PPDPF: variants seen among roughly 807,000 people sequenced by gnomAD.
PPDPF encodes exocrine differentiation and proliferation factor.
A neutral mutation model predicts 6.3 loss-of-function variants in PPDPF; 11 were observed. That is an observed-to-expected ratio of 1.76 (90% CI 1.11 to 2.91). The LOEUF (loss-of-function observed/expected upper bound fraction) is 2.91. Ranked by LOEUF, PPDPF falls within the 30% of genes most tolerant of loss-of-function variation. The probability of loss-of-function intolerance (pLI) is 0.00; values close to 1 mark genes in which losing one functional copy is unlikely to be tolerated. For missense variants in PPDPF, 202 were observed against 159.4 expected, an observed-to-expected ratio of 1.27 and a Z score of -1.44; for synonymous variants, 86 against 64.5, an observed-to-expected ratio of 1.33 and a Z score of -1.60.
chr20:63,521,481 C>T, intron 2 of PPDPF, 31 bp from the exon 3 acceptor site: 1 of 1,558,856 alleles, frequency 6.4e-7, no homozygotes, highest in South Asian at 1.2e-5. Flanking sequence ...GCTCCGCGCC[C>T]CGCGTTGCTG....
Position 63,521,735 on chromosome 20 carries a change from C to G in PPDPF, c.201C>G (p.Phe67Leu), listed in dbSNP as rs1311907262. The G allele has an allele frequency of 3.1e-6, 5 of 1,613,230 alleles. No homozygotes were observed. Among genetic ancestry groups the G allele is most frequent in the Non-Finnish European group, 4.2e-6 (5 of 1,180,014 alleles). Reference protein sequence around the residue: ...SFFFGKSTLPFMATVLESAEH... With the variant: ...SFFFGKSTLPLMATVLESAEH... ...TTTTCGGGAAGTCCACCCTCCCGTT[C>G]ATGGCCACGGTGTTGGAGTCCGCAG... is the stretch of plus-strand genomic sequence containing the variant. The change falls in exon 4 of 4, where the codon TTC (phenylalanine) becomes TTG (leucine). Residue 67 changes from phenylalanine to leucine, a missense_variant. Physicochemically the swap from Phe to Leu is conservative, Grantham distance 22. Coordinates refer to ENST00000370179, the MANE Select transcript of PPDPF (RefSeq NM_024299.4).
chr20:63,521,271 C>T lies in PPDPF; in HGVS notation c.-25-13C>T. 1.3e-6 allele frequency: 2 copies of T among 1,581,284 alleles called. No individual in the cohort carries two copies. Among genetic ancestry groups the T allele is most frequent in the South Asian group, 1.1e-5 (1 of 87,744 alleles). On this transcript the variant is annotated splice_polypyrimidine_tract_variant and intron_variant, in intron 1 of 3. Coordinates refer to ENST00000370179, the MANE Select transcript of PPDPF (RefSeq NM_024299.4). ...GCCGCTGACCCGAGGGGCTCCTCCA[C>T]CCCCATGCGCAGATCCCACCAGCCA...
At chr20:63,521,193 A>T (rs2082540853) in intron 1 of PPDPF, 91 bp from the exon 2 acceptor site, 2 of 1,246,834 alleles carry the variant, frequency 1.6e-6, no homozygotes, top group African/African-American at 1.6e-5. Flanking sequence ...CGCCTCGGTA[A>T]ATAACCCAGC....
In PPDPF at chr20:63,521,941, G is replaced by A. The variant is rs751136137; in HGVS notation, c.*62G>A. On this transcript the variant is annotated 3_prime_UTR_variant, in exon 4 of 4. Coordinates refer to ENST00000370179, the MANE Select transcript of PPDPF (RefSeq NM_024299.4). ...CGCTAGTCCACCAGAGCCCCTCCCCGCCCCTCTCCCCACTCCGCATCCCTC... is the reference window on the plus strand; with the variant it reads ...CGCTAGTCCACCAGAGCCCCTCCCCACCCCTCTCCCCACTCCGCATCCCTC... 1 of 1,094,070 alleles carries A rather than the reference G, an allele frequency of 9.1e-7. No individual in the cohort carries two copies. Among genetic ancestry groups the A allele is most frequent in the Non-Finnish European group, 1.2e-6 (1 of 849,486 alleles). 67.8% of individuals were successfully genotyped at this position (1,094,070 alleles called of 1,614,324 possible). A position where few individuals can be genotyped will look rare whatever the true frequency, so the allele number is the denominator to read the frequency against.
chr20:63,521,834 G>C lies in PPDPF; in HGVS notation c.300G>C (p.Gln100His), dbSNP rs753477545. 5.0e-6 allele frequency: 8 copies of C among 1,609,016 alleles called. No homozygotes were observed. Among genetic ancestry groups the C allele is most frequent in the Non-Finnish European group, 6.8e-6 (8 of 1,178,580 alleles). Residue 100 changes from glutamine (Q) to histidine (H), a missense_variant, in exon 4 of 4, where the codon CAG becomes CAC. Transcript: ENST00000370179. ...CGLARDAPRK[Q>H]PGGQSSTASA... Reference sequence around the variant, plus strand: ...TGGCTCGGGACGCCCCGAGGAAGCAGCCCGGCGGTCAGTCCAGCACAGCCA... The same window carrying C: ...TGGCTCGGGACGCCCCGAGGAAGCACCCCGGCGGTCAGTCCAGCACAGCCA...
In PPDPF at chr20:63,521,845, A is replaced by G. The variant is rs1477532295; in HGVS notation, c.311A>G (p.Gln104Arg). The change falls in exon 4 of 4, where the codon CAG becomes CGG. Residue 104 changes from glutamine to arginine, a missense_variant. Transcript: ENST00000370179. ...RDAPRKQPGG[Q>R]SSTASAGPPS ...GCCCCGAGGAAGCAGCCCGGCGGTC[A>G]GTCCAGCACAGCCAGCGCTGGGCCC... 5.6e-6 allele frequency: 9 copies of G among 1,605,822 alleles called. No individual in the cohort carries two copies. The highest frequency in any genetic ancestry group is 1.3e-5 in the African/African-American group (1 of 74,706).
At chr20:63,521,618 C>A (rs368244793) in intron 3 of PPDPF, 29 bp downstream of exon 3, 1 of 1,612,098 alleles carries the variant, frequency 6.2e-7, no homozygotes, top group South Asian at 1.1e-5. Context: ...CTTTCTCCCC[C>A]CGCTCCTCCA....
chr20:63,521,377 G>GC lies in PPDPF; in HGVS notation c.55+20dup. On this transcript the variant is annotated intron_variant, in intron 2 of 3. Transcript: ENST00000370179. ...ACTACTACCGGCGTGAGTAGCCCCT[G>GC]CCCCCCATCCACGCGGATGCTCTGC... The GC allele has an allele frequency of 6.2e-7, 1 of 1,606,662 alleles. No individual in the cohort carries two copies. Among genetic ancestry groups the GC allele is most frequent in the Non-Finnish European group, 8.5e-7 (1 of 1,176,686 alleles).
rs981790683 is a variant in PPDPF, at chr20:63,520,768, C to G, written c.-152C>G. 4.4e-5 allele frequency: 43 copies of G among 984,694 alleles called. No homozygotes were observed. Among genetic ancestry groups the G allele is most frequent in the Non-Finnish European group, 5.1e-5 (42 of 829,718 alleles). 61.0% of individuals were successfully genotyped at this position (984,694 alleles called of 1,614,324 possible). A position where few individuals can be genotyped will look rare whatever the true frequency, so the allele number is the denominator to read the frequency against. Reference sequence around the variant, plus strand: ...GTGGGCGCGTCCGCGCGTGCGCACCCCGCGCGCGCCTCTCTGTCGTGGCGC... The same window carrying G: ...GTGGGCGCGTCCGCGCGTGCGCACCGCGCGCGCGCCTCTCTGTCGTGGCGC... On this transcript the variant is annotated 5_prime_UTR_variant, in exon 1 of 4. Coordinates refer to ENST00000370179, the MANE Select transcript of PPDPF (RefSeq NM_024299.4).
chr20:63,521,360 C>A lies in PPDPF; in HGVS notation c.52C>A (p.Arg18=), dbSNP rs1457739183. 1.2e-6 allele frequency: 2 copies of A among 1,608,986 alleles called. No homozygotes were observed. The highest frequency in any genetic ancestry group is 1.7e-5 in the Admixed American group (1 of 59,756). ...GCTCGTGGCCACCCACGACTACTAC[C>A]GGCGTGAGTAGCCCCTGCCCCCCAT... ...GSLVATHDYY[R]RRLGSTSSNS... Residue 18 remains arginine, a synonymous_variant, in exon 2 of 4, where the codon CGG becomes AGG. Coordinates refer to ENST00000370179, the MANE Select transcript of PPDPF (RefSeq NM_024299.4).
intron 2 of PPDPF, 50 bp from the exon 3 acceptor site, chr20:63,521,462 G>A: frequency 7.7e-6 from 12 of 1,565,570 alleles, no homozygotes; most frequent in Non-Finnish European, 9.5e-6. Flanking sequence ...AAGGCCGGTG[G>A]GCTGGGGGGC....
At position 63,522,113 on chromosome 20, in the gene PPDPF, C is replaced by T. The variant is rs1248055186; in HGVS notation, c.*234C>T. 6.7e-6 allele frequency: 4 copies of T among 597,254 alleles called. No homozygotes were observed. Among genetic ancestry groups the T allele is most frequent in the Non-Finnish European group, 1.2e-5 (4 of 325,680 alleles). 37.0% of individuals were successfully genotyped at this position (597,254 alleles called of 1,614,324 possible). ...CAGCACTCGCTAGCTTTCCTGACAC[C>T]TGGAACTGTGCACCTGGCACCAAGC... On this transcript the variant is annotated 3_prime_UTR_variant, in exon 4 of 4. Coordinates refer to ENST00000370179, the MANE Select transcript of PPDPF (RefSeq NM_024299.4).
In PPDPF at chr20:63,522,030, G is replaced by C. The variant is rs943267119; in HGVS notation, c.*151G>C. ...AGGCGGCTGCAGCAAGCAGACCTTCGCATCAACACAGCAGACACCAAAAAC... is the reference window on the plus strand; with the variant it reads ...AGGCGGCTGCAGCAAGCAGACCTTCCCATCAACACAGCAGACACCAAAAAC... On this transcript the variant is annotated 3_prime_UTR_variant, in exon 4 of 4. Coordinates refer to ENST00000370179, the MANE Select transcript of PPDPF (RefSeq NM_024299.4). 4.3e-5 allele frequency: 29 copies of C among 677,180 alleles called. No individual in the cohort carries two copies. The highest frequency in any genetic ancestry group is 7.2e-5 in the Non-Finnish European group (27 of 376,506). The allele number at this position is 677,180 out of a possible 1,614,324, so 41.9% of individuals were successfully genotyped here. A position where few individuals can be genotyped will look rare whatever the true frequency, so the allele number is the denominator to read the frequency against.
Position 63,521,980 on chromosome 20 carries a change from C to T in PPDPF, c.*101C>T, listed in dbSNP as rs1215826434. On this transcript the variant is annotated 3_prime_UTR_variant, in exon 4 of 4. Coordinates refer to ENST00000370179, the MANE Select transcript of PPDPF (RefSeq NM_024299.4). ...TCCGCATCCCTCGCCCCCCTCCCCA[C>T]CTCCCACCCCCCACCCTGTAAACTA... 2.4e-6 allele frequency: 2 copies of T among 839,838 alleles called. No individual in the cohort carries two copies. The highest frequency in any genetic ancestry group is 1.9e-6 in the Non-Finnish European group (1 of 540,190). The allele number at this position is 839,838 out of a possible 1,614,324, so 52.0% of individuals were successfully genotyped here. A position where few individuals can be genotyped will look rare whatever the true frequency, so the allele number is the denominator to read the frequency against.
chr20:63,521,693 T>C lies in PPDPF; in HGVS notation c.159T>C (p.His53=). 6.8e-6 allele frequency: 11 copies of C among 1,613,344 alleles called. No homozygotes were observed. Among genetic ancestry groups the C allele is most frequent in the Non-Finnish European group, 9.3e-6 (11 of 1,179,972 alleles). ...GTCTCCCCAAGGCTGACCCGGGTCATTGGTGGGCCAGCTTCTTTTTCGGGA... is the reference window on the plus strand; with the variant it reads ...GTCTCCCCAAGGCTGACCCGGGTCACTGGTGGGCCAGCTTCTTTTTCGGGA... The part of the protein sequence containing the change: ...PPGLPKADPG[H]WWASFFFGKS... The change falls in exon 4 of 4, where the codon CAT becomes CAC. Residue 53 remains histidine (H), a synonymous_variant. Coordinates refer to ENST00000370179, the MANE Select transcript of PPDPF (RefSeq NM_024299.4).
At chr20:63,520,921 C>A in intron 1 of PPDPF, 27 bp downstream of exon 1, 1 of 1,006,202 alleles carries the variant, frequency 9.9e-7, no homozygotes, top group Non-Finnish European at 1.2e-6. Flanking sequence ...GCGGGTGGGA[C>A]GAGCAGGCCC....
chr20:63,521,445 C>A lies in PPDPF; in HGVS notation c.56-67C>A, dbSNP rs2082544184. On this transcript the variant is annotated intron_variant, in intron 2 of 3. Coordinates refer to ENST00000370179, the MANE Select transcript of PPDPF (RefSeq NM_024299.4). ...CCGTGCAGGCTGCGGAACCAGCGCT[C>A]GGCCTGAAGGCCGGTGGGCTGGGGG... is the stretch of plus-strand genomic sequence containing the variant. 10 of 1,578,324 alleles carry A rather than the reference C, an allele frequency of 6.3e-6. No homozygotes were observed. In the Middle Eastern group the frequency reaches 8.4e-4, roughly 133 times the overall value.
At chr20:63,521,394 A>T in intron 2 of PPDPF, 31 bp downstream of exon 2, 2 of 1,603,314 alleles carry the variant, frequency 1.2e-6, no homozygotes, top group South Asian at 1.1e-5. Context: ...ATCCACGCGG[A>T]TGCTCTGCTG....
Position 63,521,709 on chromosome 20 carries a change from T to G in PPDPF, c.175T>G (p.Phe59Val). Reference protein sequence around the residue: ...ADPGHWWASFFFGKSTLPFMA... With the variant: ...ADPGHWWASFVFGKSTLPFMA... ...CCCGGGTCATTGGTGGGCCAGCTTCTTTTTCGGGAAGTCCACCCTCCCGTT... is the reference window on the plus strand; with the variant it reads ...CCCGGGTCATTGGTGGGCCAGCTTCGTTTTCGGGAAGTCCACCCTCCCGTT... Residue 59 changes from phenylalanine (F) to valine (V), a missense_variant, in exon 4 of 4, where the codon TTT (phenylalanine) becomes GTT (valine). Coordinates refer to ENST00000370179, the MANE Select transcript of PPDPF (RefSeq NM_024299.4). The G allele has an allele frequency of 6.2e-7, 1 of 1,613,386 alleles. No homozygotes were observed. The highest frequency in any genetic ancestry group is 8.5e-7 in the Non-Finnish European group (1 of 1,179,994).
Sources: allele counts gnomAD v4.1 joint callset, GRCh38; gene constraint gnomAD v4.1.1; transcripts MANE v1.5; gene names NCBI Gene and HGNC (gene_info 2026-07-23, HGNC 2026-07-21).